The following ABTB3 variants were observed in gnomAD, a reference collection of about 807,000 sequenced individuals.
ABTB3 encodes ankyrin repeat- and BTB/POZ domain-containing protein 3.
At chr12:107,503,671 C>T in the ABTB3 span, among the ~76,000 whole-genome samples, 1 of 147,858 alleles carries the variant, frequency 6.8e-6, no homozygotes, top group East Asian at 2.0e-4. Context: ...GTGGGAGGCT[C>T]ACTTGAGCCC....
chr12:107,448,304 C>T, the ABTB3 span, among the ~76,000 whole-genome samples: 2 of 152,180 alleles, frequency 1.3e-5, no homozygotes, highest in South Asian at 2.1e-4. Flanking sequence ...ACTCCCAGAG[C>T]GGTAGCTGTG....
the ABTB3 span, among the ~76,000 whole-genome samples, chr12:107,416,662 T>C: frequency 6.6e-6 from 1 of 152,138 alleles, no homozygotes; most frequent in African/African-American, 2.4e-5. Flanking sequence ...CTATGTTTTG[T>C]TTTGTTTTGT....
At chr12:107,588,968 A>C in the ABTB3 span, among the ~76,000 whole-genome samples, 2 of 152,218 alleles carry the variant, frequency 1.3e-5, no homozygotes, top group Non-Finnish European at 2.9e-5. Context: ...GAACCACAGG[A>C]CTTGGAGCCT....
At chr12:107,422,634 G>A in the ABTB3 span, among the ~76,000 whole-genome samples, 624 of 152,308 alleles carry the variant, frequency 4.1e-3, 5 homozygotes, top group Non-Finnish European at 6.0e-3. Flanking sequence ...CAAGATTTGG[G>A]ATCTATTTTG....
At chr12:107,449,972 G>T in the ABTB3 span, among the ~76,000 whole-genome samples, 1 of 152,134 alleles carries the variant, frequency 6.6e-6, no homozygotes, top group Non-Finnish European at 1.5e-5. Context: ...AAAGACATGA[G>T]GCTTAACTGA....
At chr12:107,563,530 T>C in the ABTB3 span, among the ~76,000 whole-genome samples, 1 of 152,178 alleles carries the variant, frequency 6.6e-6, no homozygotes, top group African/African-American at 2.4e-5. Flanking sequence ...AGATGAACAA[T>C]TCATGCCCCT....
the ABTB3 span, among the ~76,000 whole-genome samples, chr12:107,356,685 C>T: frequency 6.6e-6 from 1 of 152,208 alleles, no homozygotes; most frequent in African/African-American, 2.4e-5. Flanking sequence ...TCTTTTCCAG[C>T]TTTCTCATAA....
At chr12:107,550,494 T>TA in the ABTB3 span, among the ~76,000 whole-genome samples, 663 of 124,920 alleles carry the variant, frequency 5.3e-3, 8 homozygotes, top group African/African-American at 0.017. Flanking sequence ...TCTGGGAAGC[T>TA]AAAAAAAAAA....
At chr12:107,413,182 G>A in the ABTB3 span, among the ~76,000 whole-genome samples, 35 of 152,292 alleles carry the variant, frequency 2.3e-4, no homozygotes, top group Non-Finnish European at 4.6e-4. Flanking sequence ...GCTGAGGCAG[G>A]AGAATGGCGT....
chr12:107,505,483 A>G, the ABTB3 span, among the ~76,000 whole-genome samples: 2 of 152,114 alleles, frequency 1.3e-5, no homozygotes, highest in Non-Finnish European at 2.9e-5. Context: ...ATCAGTGAGG[A>G]AAAGGTGGAT....
At chr12:107,342,209 A>T in the ABTB3 span, among the ~76,000 whole-genome samples, 1 of 151,782 alleles carries the variant, frequency 6.6e-6, no homozygotes, top group African/African-American at 2.4e-5. Flanking sequence ...CAGGGCTAGC[A>T]TCCTTCTTTG....
chr12:107,401,790 A>C, the ABTB3 span, among the ~76,000 whole-genome samples: 3 of 152,236 alleles, frequency 2.0e-5, no homozygotes, highest in Admixed American at 6.5e-5. Flanking sequence ...TATACATAAG[A>C]AAATAACATA....
At chr12:107,320,085 T>G in the ABTB3 span, 1 of 1,443,956 alleles carries the variant, frequency 6.9e-7, no homozygotes, top group South Asian at 1.6e-5. Flanking sequence ...GGTAAGTGTC[T>G]GCGCGGGTGC....
chr12:107,447,124 G>A, the ABTB3 span, among the ~76,000 whole-genome samples: 22 of 152,174 alleles, frequency 1.4e-4, no homozygotes, highest in African/African-American at 5.1e-4. Flanking sequence ...TAAAACAGGC[G>A]GAGGCCATGA....
the ABTB3 span, among the ~76,000 whole-genome samples, chr12:107,510,169 C>T: frequency 1.2e-3 from 181 of 152,284 alleles, no homozygotes; most frequent in African/African-American, 4.1e-3. Context: ...TGCTGCACCC[C>T]AGCTGCTTCC....
At chr12:107,657,747 G>GA in the ABTB3 span, 6 of 1,606,148 alleles carry the variant, frequency 3.7e-6, no homozygotes, top group Admixed American at 1.0e-4. Flanking sequence ...TGCTTCCCGG[G>GA]AACTTTCCAG....
the ABTB3 span, among the ~76,000 whole-genome samples, chr12:107,485,388 G>A: frequency 6.6e-6 from 1 of 152,192 alleles, no homozygotes; most frequent in African/African-American, 2.4e-5. Flanking sequence ...GTCCTAGGCA[G>A]TTTGGGTTGT....
chr12:107,459,895 G>T, the ABTB3 span, among the ~76,000 whole-genome samples: 1 of 152,334 alleles, frequency 6.6e-6, no homozygotes, highest in South Asian at 2.1e-4. Context: ...CTCCCGCCCT[G>T]CAGACAGAAC....
At chr12:107,541,775 A>T in the ABTB3 span, among the ~76,000 whole-genome samples, 7 of 152,288 alleles carry the variant, frequency 4.6e-5, no homozygotes, top group African/African-American at 1.7e-4. Flanking sequence ...GTAGGGGATG[A>T]GGGGGCATGA....
Sources: allele counts gnomAD v4.1 joint callset (sites outside exome capture counted in the v4.1 genomes callset), GRCh38; gene constraint gnomAD v4.1.1; transcripts MANE v1.5; gene names NCBI Gene and HGNC (gene_info 2026-07-23, HGNC 2026-07-21).